The following NBPF3 variants were observed in gnomAD, a reference collection of about 807,000 sequenced individuals.
NBPF3 encodes NBPF member 3.
NBPF3 carries 57 observed loss-of-function variants against 78.1 expected under a neutral mutation model. That is an observed-to-expected ratio of 0.73 (90% CI 0.59 to 0.91). NBPF3 has a LOEUF of 0.91. Among genes scored for constraint, NBPF3 ranks in the 40% least tolerant of loss-of-function variants. The probability of loss-of-function intolerance (pLI) is 0.00; values close to 1 mark genes in which losing one functional copy is unlikely to be tolerated. For missense variants in NBPF3, 510 were observed against 715.3 expected (o/e 0.71, Z 3.27); for synonymous variants, 182 against 271.7 (o/e 0.67, Z 3.25).
upstream of NBPF3, chr1:21,436,947 G>T (rs1640438233): frequency 2.6e-6 from 1 of 377,774 alleles, no homozygotes; most frequent in Non-Finnish European, 4.7e-6. The surrounding 1 kb of genome is among the most constrained non-coding windows in gnomAD (Gnocchi z 4.3). Flanking sequence ...CCAGAGCCCT[G>T]AGAAATAGTG....
In NBPF3 at chr1:21,470,487, G is replaced by A. The variant is rs149831359; in HGVS notation, c.344-145G>A. ...GCTGCCAGTAAGTCGGGAGACTGAA[G>A]AGTAAAGATGTGGAAATCCCTACGT... On this transcript the variant is annotated intron_variant, in intron 3 of 14. Coordinates refer to ENST00000318249, the MANE Select transcript of NBPF3 (RefSeq NM_032264.6). The A allele has an allele frequency of 1.5e-3, 790 of 541,560 alleles. 5 individuals are homozygous for A. Among genetic ancestry groups the A allele is most frequent in the African/African-American group, 0.014 (719 of 51,478 alleles). The allele number at this position is 541,560 out of a possible 1,614,324, so 33.5% of individuals were successfully genotyped here. A position where few individuals can be genotyped will look rare whatever the true frequency, so the allele number is the denominator to read the frequency against.
chr1:21,477,038 A>G (rs1642921679), intron 8 of NBPF3, among the ~76,000 whole-genome samples: 1 of 152,132 alleles, frequency 6.6e-6, no homozygotes, highest in Non-Finnish European at 1.5e-5. Context: ...ATCTTCAATC[A>G]CTAATACCCT....
At chr1:21,467,614 A>G (rs1476746729) in intron 2 of NBPF3, among the ~76,000 whole-genome samples, 1 of 152,238 alleles carries the variant, frequency 6.6e-6, no homozygotes, top group Non-Finnish European at 1.5e-5. Context: ...ACCGCCGCTC[A>G]TGGCCCTGTT....
chr1:21,470,881 A>C, intron 4 of NBPF3, 147 bp downstream of exon 4: 1 of 546,560 alleles, frequency 1.8e-6, no homozygotes, highest in African/African-American at 1.9e-5. Flanking sequence ...AAGATTTATC[A>C]AGCAGAGAAC....
chr1:21,456,942 A>G (rs563471625), intron 2 of NBPF3, among the ~76,000 whole-genome samples: 47 of 152,372 alleles, frequency 3.1e-4, no homozygotes, highest in Admixed American at 9.8e-4. Flanking sequence ...TTCACAGATA[A>G]TGACTGTGTA....
rs182086647 is a variant in NBPF3 at position 21,466,105 on chromosome 1, C to T, written c.134-2583C>T. 1.1e-4 allele frequency: 113 copies of T among 985,486 alleles called. No homozygotes were observed. The East Asian group carries it at 8.2e-3, about 71-fold the overall frequency. The allele number at this position is 985,486 out of a possible 1,614,324, so 61.0% of individuals were successfully genotyped here. On this transcript the variant is annotated intron_variant, in intron 2 of 14. Coordinates refer to ENST00000318249, the MANE Select transcript of NBPF3 (RefSeq NM_032264.6). ...TTTTCAGGGAGCCTTGGGAGGAGCCCGAATCACTGATGGAATCGGACAGTG... is the reference window on the plus strand; with the variant it reads ...TTTTCAGGGAGCCTTGGGAGGAGCCTGAATCACTGATGGAATCGGACAGTG...
chr1:21,441,786 A>G (rs994660512), intron 1 of NBPF3, among the ~76,000 whole-genome samples: 28 of 151,660 alleles, frequency 1.8e-4, no homozygotes, highest in African/African-American at 6.1e-4. Context: ...ACTAGACTGG[A>G]GTATATTTTT....
chr1:21,448,736 C>T (rs1484414411), intron 2 of NBPF3, among the ~76,000 whole-genome samples: 1 of 152,174 alleles, frequency 6.6e-6, no homozygotes, highest in East Asian at 1.9e-4. Flanking sequence ...CATTTAAGTG[C>T]TCCTCCCACT....
upstream of NBPF3, among the ~76,000 whole-genome samples, chr1:21,438,838 C>T (rs1640487766): frequency 6.6e-6 from 1 of 152,166 alleles, no homozygotes; most frequent in African/African-American, 2.4e-5. Flanking sequence ...AAACTCTAAA[C>T]CATTGAGGGC....
At chr1:21,456,324 C>T (rs1356834263) in intron 2 of NBPF3, among the ~76,000 whole-genome samples, 2 of 152,204 alleles carry the variant, frequency 1.3e-5, no homozygotes, top group African/African-American at 2.4e-5. Context: ...ATAGAGCATT[C>T]ACCAAGATAG....
At chr1:21,471,516 A>G in intron 4 of NBPF3, 53 bp from the exon 5 acceptor site, 1 of 1,610,994 alleles carries the variant, frequency 6.2e-7, no homozygotes, top group South Asian at 1.1e-5. Flanking sequence ...AAATATTAGA[A>G]CTGATCACTC....
intron 2 of NBPF3, among the ~76,000 whole-genome samples, chr1:21,464,736 A>T (rs1176486004): frequency 1.3e-5 from 2 of 152,028 alleles, no homozygotes; most frequent in Admixed American, 1.3e-4. Flanking sequence ...GGCCAGGTTC[A>T]GTGGCTAACT....
At chr1:21,481,392 GTCTCTCT>G (rs1558510649) in intron 12 of NBPF3, among the ~76,000 whole-genome samples, 198 bp from the exon 13 acceptor site, 2,390 of 23,868 alleles carry the variant, frequency 0.1, 28 homozygotes, top group Middle Eastern at 0.35. Context: ...CTCTGCCTCT[GTCTCTCT>G]GTCTCTCTGT....
At chr1:21,473,261 C>T (rs1642705469) in intron 6 of NBPF3, 119 bp from the exon 7 acceptor site, 12 of 1,223,584 alleles carry the variant, frequency 9.8e-6, no homozygotes, top group Admixed American at 3.4e-5. Context: ...AAGGGATCCT[C>T]CTGTTTGCTT....
At chr1:21,450,810 C>T (rs1421330470) in intron 2 of NBPF3, among the ~76,000 whole-genome samples, 2 of 152,150 alleles carry the variant, frequency 1.3e-5, no homozygotes, top group South Asian at 2.1e-4. Context: ...TTACCTCCGT[C>T]GACCTGTGAA....
intron 1 of NBPF3, among the ~76,000 whole-genome samples, chr1:21,442,040 G>A (rs1193891111): frequency 1.3e-5 from 2 of 152,134 alleles, no homozygotes; most frequent in Non-Finnish European, 2.9e-5. Context: ...TTTGTGACAT[G>A]CCTGTTAAAC....
chr1:21,456,442 T>G (rs1641607205), intron 2 of NBPF3, among the ~76,000 whole-genome samples: 1 of 152,194 alleles, frequency 6.6e-6, no homozygotes, highest in Admixed American at 6.5e-5. Flanking sequence ...ACTTTAATGA[T>G]TATACACTTT....
intron 1 of NBPF3, chr1:21,442,151 C>A (rs1388106291): frequency 2.0e-5 from 3 of 152,104 alleles, no homozygotes; most frequent in Non-Finnish European, 4.4e-5. Flanking sequence ...ATTGCATTTC[C>A]CTTTTTTCAA....
rs563533585 is a variant in NBPF3 at position 21,457,786 on chromosome 1, C to T, written c.134-10902C>T. ...TAGGAATGTACACACTATGTGTGCA[C>T]ATGATCTGTATGTGTATTTCCAGAC... On this transcript the variant is annotated intron_variant, in intron 2 of 14. Transcript: ENST00000318249. Among the ~76,000 whole-genome samples, 10 of 152,286 alleles carry T rather than the reference C, an allele frequency of 6.6e-5. No homozygotes were observed. The South Asian group carries it at 1.7e-3, about 25-fold the overall frequency.
Sources: allele counts gnomAD v4.1 joint callset (sites outside exome capture counted in the v4.1 genomes callset), GRCh38; gene constraint gnomAD v4.1.1; non-coding constraint Gnocchi (gnomAD v3.1); transcripts MANE v1.5; gene names NCBI Gene and HGNC (gene_info 2026-07-23, HGNC 2026-07-21).